The following FGF13 variants were observed in gnomAD, a reference collection of about 807,000 sequenced individuals.
FGF13 encodes the protein fibroblast growth factor 13.
Under a neutral mutation model 19.5 loss-of-function variants are expected in FGF13, and 2 were observed. The ratio of observed to expected loss-of-function variants is 0.10; its 90% CI spans 0.04 to 0.32. The LOEUF is 0.32. Among genes scored for constraint, FGF13 ranks in the 10% least tolerant of loss-of-function variants. FGF13 has a pLI of 1.00. For missense variants in FGF13, 113 were observed against 192.7 expected (o/e 0.59, Z 2.45); for synonymous variants, 72 against 76.9 (o/e 0.94, Z 0.33).
At chrX:138,828,094 C>T (rs2124080481) in intron 3 of FGF13, among the ~76,000 whole-genome samples, 1 of 111,892 alleles carries the variant, frequency 8.9e-6, no homozygotes, top group Admixed American at 9.5e-5. Flanking sequence ...TTGCAATCGG[C>T]AGAAGGCACT....
chrX:138,695,274 CTT>C (rs2089885165), intron 3 of FGF13, among the ~76,000 whole-genome samples: 1 of 111,490 alleles, frequency 9.0e-6, no homozygotes, highest in East Asian at 2.8e-4. Context: ...AAAGTGGACT[CTT>C]GTCTTCAAAA....
At chrX:139,162,614 A>G (rs1384393161) in intron 1 of FGF13, among the ~76,000 whole-genome samples, 1 of 111,403 alleles carries the variant, frequency 9.0e-6, no homozygotes, top group Non-Finnish European at 1.9e-5. Context: ...ACCCTACAGA[A>G]TTGGAGAAAA....
intron 3 of FGF13, among the ~76,000 whole-genome samples, chrX:138,782,279 A>T (rs1174403452): frequency 8.9e-6 from 1 of 112,502 alleles, no homozygotes; most frequent in South Asian, 3.7e-4. Flanking sequence ...CACCACTCCT[A>T]TTCAACAAAG....
chrX:139,077,416 G>T (rs1197844859), intron 1 of FGF13, among the ~76,000 whole-genome samples: 3 of 111,364 alleles, frequency 2.7e-5, no homozygotes, highest in Non-Finnish European at 5.7e-5. Flanking sequence ...TACTCTATTT[G>T]CAATACTGTG....
intron 1 of FGF13, among the ~76,000 whole-genome samples, chrX:139,173,033 G>C (rs1703856329): frequency 8.9e-6 from 1 of 112,018 alleles, no homozygotes; most frequent in African/African-American, 3.2e-5. Context: ...AATATAGTTA[G>C]AGAAACAAAA....
At chrX:138,706,147 G>A (rs754030418) in intron 2 of FGF13, among the ~76,000 whole-genome samples, 2 of 109,346 alleles carry the variant, frequency 1.8e-5, no homozygotes, top group South Asian at 3.9e-4. Flanking sequence ...ATATATTAAC[G>A]TAGGTTGGAA....
intron 1 of FGF13, among the ~76,000 whole-genome samples, chrX:139,097,996 T>A (rs750290739): frequency 8.9e-6 from 1 of 112,335 alleles, no homozygotes; most frequent in African/African-American, 3.2e-5. Context: ...TAATTATTTT[T>A]AATCTTCATG....
At chrX:138,925,552 T>C (rs771312812) in intron 1 of FGF13, among the ~76,000 whole-genome samples, 2 of 111,799 alleles carry the variant, frequency 1.8e-5, no homozygotes, top group Admixed American at 1.9e-4. Flanking sequence ...TGGATTCCTC[T>C]ATGCAAGGCA....
At chrX:139,043,657 T>C (rs1420135287) in intron 1 of FGF13, among the ~76,000 whole-genome samples, 1 of 111,487 alleles carries the variant, frequency 9.0e-6, no homozygotes, top group Non-Finnish European at 1.9e-5. Flanking sequence ...AAGCAAATAC[T>C]AGAAAACAAA....
intron 3 of FGF13, among the ~76,000 whole-genome samples, chrX:138,698,138 C>G (rs2089912707): frequency 9.1e-6 from 1 of 109,975 alleles, no homozygotes; most frequent in Non-Finnish European, 1.9e-5. Context: ...AGTCTGTCCC[C>G]CATGGCAACA....
At chrX:139,106,047 G>A (rs1328906415) in intron 1 of FGF13, among the ~76,000 whole-genome samples, 1 of 112,278 alleles carries the variant, frequency 8.9e-6, no homozygotes, top group Non-Finnish European at 1.9e-5. Context: ...GCATTCCAGA[G>A]ATAGAGTGAC....
chrX:138,720,974 C>A (rs6528564), intron 1 of FGF13, among the ~76,000 whole-genome samples: 18,561 of 111,431 alleles, frequency 0.17, 1,149 homozygotes, highest in South Asian at 0.23. Flanking sequence ...TTATTCCTTG[C>A]TTTAAAGAGA....
intron 1 of FGF13, among the ~76,000 whole-genome samples, chrX:139,082,487 C>A (rs1238853040): frequency 9.0e-6 from 1 of 111,684 alleles, no homozygotes; most frequent in Non-Finnish European, 1.9e-5. Context: ...TTAAAGTGGG[C>A]TCTATATCCA....
At chrX:138,859,257 C>T (rs1309623954) in intron 2 of FGF13, among the ~76,000 whole-genome samples, 1 of 111,864 alleles carries the variant, frequency 8.9e-6, no homozygotes, top group East Asian at 2.8e-4. Context: ...AATATAGACA[C>T]TCATCAAATT....
At chrX:138,998,657 C>CAAT (rs1157719674) in intron 1 of FGF13, among the ~76,000 whole-genome samples, 2 of 111,478 alleles carry the variant, frequency 1.8e-5, no homozygotes, top group Non-Finnish European at 3.8e-5. Context: ...TATATGCACC[C>CAAT]AATACAGGAA....
intron 3 of FGF13, among the ~76,000 whole-genome samples, chrX:138,826,614 A>G (rs1183721336): frequency 8.9e-6 from 1 of 112,263 alleles, no homozygotes. Context: ...GATCCTAAGA[A>G]TGCTGCTAAG....
chrX:138,979,134 G>C (rs2091953093), intron 1 of FGF13, among the ~76,000 whole-genome samples: 1 of 111,842 alleles, frequency 8.9e-6, no homozygotes, highest in African/African-American at 3.2e-5. Context: ...ACACCTCCCT[G>C]TAAAGAAATG....
rs767438557 is a variant in FGF13 at position 138,990,171 on chromosome X, T to C, written c.-112-125521A>G. On this transcript the variant is annotated intron_variant, in intron 1 of 2. Transcript: ENST00000421460. The stretch of plus-strand genomic sequence containing the variant: ...GCAAGGTATATGTACTGTGGGATTA[T>C]GTGCAGGGCACTTAATCATAAGGGG... Among the ~76,000 whole-genome samples the C allele has an allele frequency of 5.7e-3, 639 of 111,172 alleles. 4 individuals are homozygous for C. The highest frequency in any genetic ancestry group is 0.01 in the Non-Finnish European group (535 of 52,978).
chrX:139,046,849 T>C (rs978482394), intron 1 of FGF13, among the ~76,000 whole-genome samples: 4 of 111,489 alleles, frequency 3.6e-5, no homozygotes, highest in African/African-American at 9.8e-5. Flanking sequence ...GGTTGAACAA[T>C]AAAGGGTTAA....
Sources: allele counts gnomAD v4.1 joint callset (sites outside exome capture counted in the v4.1 genomes callset), GRCh38; gene constraint gnomAD v4.1.1; transcripts MANE v1.5; gene names NCBI Gene and HGNC (gene_info 2026-07-23, HGNC 2026-07-21).